The following KCNQ1 variants were observed in gnomAD, a reference collection of about 807,000 sequenced individuals.
The protein encoded by KCNQ1 is potassium voltage-gated channel subfamily Q member 1.
A neutral mutation model predicts 72.4 loss-of-function variants in KCNQ1; 49 were observed. The observed-to-expected ratio is 0.68, with a 90% CI of 0.54 to 0.86. KCNQ1 has a LOEUF of 0.86. KCNQ1 is among the 40% of genes least tolerant of loss of function. The pLI is 0.00. For missense variants in KCNQ1, 790 were observed against 945.1 expected, an observed-to-expected ratio of 0.84 and a Z score of 2.15; for synonymous variants, 450 against 412.6, an observed-to-expected ratio of 1.09 and a Z score of -1.10.
intron 10 of KCNQ1, chr11:2,638,507 C>T (rs1486760205): frequency 6.6e-6 from 1 of 152,210 alleles, no homozygotes; most frequent in African/African-American, 2.4e-5. Flanking sequence ...TTGGCCCCCA[C>T]TCTCTTCTGG....
intron 15 of KCNQ1, among the ~76,000 whole-genome samples, chr11:2,829,969 AAGGAAGGAGGAGGGAGG>A (rs1564908818): frequency 8.1e-4 from 93 of 115,478 alleles, no homozygotes; most frequent in African/African-American, 2.8e-3. Context: ...GGAGGATGAG[AAGGAAGGAGGAGGGAGG>A]AGGAAGGAAG....
intron 10 of KCNQ1, chr11:2,614,777 A>G (rs1249972252): frequency 2.5e-6 from 1 of 398,356 alleles, no homozygotes; most frequent in Non-Finnish European, 4.4e-6. Context: ...TCAGTACCAC[A>G]TTGTTTTGAT....
chr11:2,557,984 T>G (rs1564816173), intron 2 of KCNQ1, among the ~76,000 whole-genome samples: 1 of 152,228 alleles, frequency 6.6e-6, no homozygotes, highest in Non-Finnish European at 1.5e-5. Flanking sequence ...GGCCATGTTC[T>G]CTGATCAAAA....
In KCNQ1 at chr11:2,830,923, A is replaced by G. The variant is rs1847933596; in HGVS notation, c.1795-16844A>G. On this transcript the variant is annotated intron_variant, in intron 15 of 15. Transcript: ENST00000155840. The surrounding 1 kb of genome is among the most constrained non-coding windows in gnomAD (Gnocchi z 7.7). ...CTGACCAGGGAGTCTTTGAAACCGC[A>G]AGGGTACCCTTGGGAGACCCCGTGC... Among the ~76,000 whole-genome samples the G allele has an allele frequency of 6.6e-6, 1 of 152,118 alleles. No homozygotes were observed. The highest frequency in any genetic ancestry group is 1.5e-5 in the Non-Finnish European group (1 of 68,004).
Position 2,783,202 on chromosome 11 carries a change from T to C in KCNQ1, c.1794+5165T>C, listed in dbSNP as rs938979209. Among the ~76,000 whole-genome samples, 1 of 152,186 alleles carries C rather than the reference T, an allele frequency of 6.6e-6. No homozygotes were observed. The highest frequency in any genetic ancestry group is 2.4e-5 in the African/African-American group (1 of 41,472). On this transcript the variant is annotated intron_variant, in intron 15 of 15. Coordinates refer to ENST00000155840, the MANE Select transcript of KCNQ1 (RefSeq NM_000218.3). This position sits in a 1 kb window ranked among gnomAD's most constrained non-coding sequence, Gnocchi z 5.2. ...CATTCACTTTAGTATTTTTCTAATCTCCATTATGATCTCTTGTTTATCCTA... is the reference window on the plus strand; with the variant it reads ...CATTCACTTTAGTATTTTTCTAATCCCCATTATGATCTCTTGTTTATCCTA...
At chr11:2,742,104 A>G (rs1228950324) in intron 11 of KCNQ1, among the ~76,000 whole-genome samples, 2 of 152,266 alleles carry the variant, frequency 1.3e-5, no homozygotes, top group Non-Finnish European at 2.9e-5. Flanking sequence ...AGGTAGAAGG[A>G]AGAAAAATAA....
chr11:2,710,440 T>G lies in KCNQ1; in HGVS notation c.1514+48359T>G, dbSNP rs1358202845. 6.6e-6 allele frequency among the ~76,000 whole-genome samples: 1 copy of G among 152,236 alleles called. No individual in the cohort carries two copies. Among genetic ancestry groups the G allele is most frequent in the Non-Finnish European group, 1.5e-5 (1 of 68,046 alleles). ...CTTTTTGTGGGTTGTCTTTTCACTT[T>G]CTTGATCATGTCCTTTGACTCACAA... On this transcript the variant is annotated intron_variant, in intron 11 of 15. Transcript: ENST00000155840. The surrounding 1 kb of genome is among the most constrained non-coding windows in gnomAD (Gnocchi z 4.1).
intron 11 of KCNQ1, among the ~76,000 whole-genome samples, chr11:2,757,829 G>A (rs780427424): frequency 3.3e-5 from 5 of 152,106 alleles, no homozygotes; most frequent in African/African-American, 4.8e-5. Flanking sequence ...TTCAACACAC[G>A]GTACAGGAGC....
chr11:2,512,534 G>T (rs1260528834), intron 1 of KCNQ1, among the ~76,000 whole-genome samples: 2 of 152,218 alleles, frequency 1.3e-5, no homozygotes, highest in Admixed American at 6.5e-5. Flanking sequence ...GGCCATGACC[G>T]CATGGGGCCA....
rs1850307275 is a variant in KCNQ1, at chr11:2,677,117, T to C, written c.1514+15036T>C. 3 of 398,546 alleles carry C rather than the reference T, an allele frequency of 7.5e-6. No homozygotes were observed. Among genetic ancestry groups the C allele is most frequent in the African/African-American group, 2.1e-5 (1 of 48,652 alleles). The allele number at this position is 398,546 out of a possible 1,614,324, so 24.7% of individuals were successfully genotyped here. Reference sequence around the variant, plus strand: ...GAAATGACCACTTATGAAATTAGTTTCCCTGAAACATCCCTCCCTATTGAA... The same window carrying C: ...GAAATGACCACTTATGAAATTAGTTCCCCTGAAACATCCCTCCCTATTGAA... On this transcript the variant is annotated intron_variant, in intron 11 of 15. Transcript: ENST00000155840. This position sits in a 1 kb window ranked among gnomAD's most constrained non-coding sequence, Gnocchi z 4.5.
chr11:2,629,419 C>G, intron 10 of KCNQ1: 1 of 398,366 alleles, frequency 2.5e-6, no homozygotes. Context: ...CAATGTCATG[C>G]AGTTTTTGCC....
chr11:2,488,106 A>T lies in KCNQ1; in HGVS notation c.387-39822A>T, dbSNP rs1188467560. On this transcript the variant is annotated intron_variant, in intron 1 of 15. Transcript: ENST00000155840. This position sits in a 1 kb window ranked among gnomAD's most constrained non-coding sequence, Gnocchi z 5.1. ...ATTTTGTCAAATGCTTTTTGTATCA[A>T]TTGAGATCATGTGATCATGTGAGTG... 1.3e-5 allele frequency among the ~76,000 whole-genome samples: 2 copies of T among 152,156 alleles called. No individual in the cohort carries two copies. Among genetic ancestry groups the T allele is most frequent in the South Asian group, 2.1e-4 (1 of 4,828 alleles).
At chr11:2,697,517 G>A (rs2133899621) in intron 11 of KCNQ1, 1 of 398,560 alleles carries the variant, frequency 2.5e-6, no homozygotes, top group Admixed American at 4.4e-5. Context: ...GTATCAAGTT[G>A]AAGAAGTTCC....
At chr11:2,561,208 AAAAAAAAG>A (rs60812868) in intron 2 of KCNQ1, among the ~76,000 whole-genome samples, 291 of 147,730 alleles carry the variant, frequency 2.0e-3, no homozygotes, top group African/African-American at 6.8e-3. Context: ...CTCAAAAAAA[AAAAAAAAG>A]AAAAAAAGAA....
chr11:2,672,179 T>A (rs1850195579), intron 11 of KCNQ1: 2 of 398,578 alleles, frequency 5.0e-6, no homozygotes, highest in African/African-American at 2.1e-5. Flanking sequence ...GTGTTTTCTT[T>A]AGGTTCATGT....
chr11:2,609,257 T>G (rs987911129), intron 10 of KCNQ1: 1 of 398,322 alleles, frequency 2.5e-6, no homozygotes, highest in Non-Finnish European at 4.4e-6. Context: ...ACGTTCCATT[T>G]CCCTTGTGAA....
At position 2,565,336 on chromosome 11, in the gene KCNQ1, CGTT is replaced by C. The variant is rs1484248236; in HGVS notation, c.478-5289_478-5287del. Among the ~76,000 whole-genome samples the C allele has an allele frequency of 6.6e-6, 1 of 152,112 alleles. No homozygotes were observed. The highest frequency in any genetic ancestry group is 2.4e-5 in the African/African-American group (1 of 41,420). On this transcript the variant is annotated intron_variant, in intron 2 of 15. Coordinates refer to ENST00000155840, the MANE Select transcript of KCNQ1 (RefSeq NM_000218.3). This position sits in a 1 kb window ranked among gnomAD's most constrained non-coding sequence, Gnocchi z 5.6. ...CCCTAATGGATGAGAGGTGGCATCT[CGTT>C]GTGGTCTTGATTTGCATTTCCCTGA...
At position 2,478,975 on chromosome 11, in the gene KCNQ1, G is replaced by A. The variant is rs1226931502; in HGVS notation, c.386+33491G>A. Among the ~76,000 whole-genome samples the A allele has an allele frequency of 6.6e-6, 1 of 152,228 alleles. No homozygotes were observed. Among genetic ancestry groups the A allele is most frequent in the Non-Finnish European group, 1.5e-5 (1 of 68,040 alleles). ...AAAACGAAGGGGCTAAAGGCCCCAT[G>A]CAAGTTCGAAATCCAGTGGGGCAGT... On this transcript the variant is annotated intron_variant, in intron 1 of 15. Transcript: ENST00000155840. The surrounding 1 kb of genome is among the most constrained non-coding windows in gnomAD (Gnocchi z 4.0).
chr11:2,683,416 T>C lies in KCNQ1; in HGVS notation c.1514+21335T>C, dbSNP rs1429945992. 1 of 398,518 alleles carries C rather than the reference T, an allele frequency of 2.5e-6. No homozygotes were observed. The highest frequency in any genetic ancestry group is 4.4e-5 in the Admixed American group (1 of 22,714). The allele number at this position is 398,518 out of a possible 1,614,324, so 24.7% of individuals were successfully genotyped here. A position where few individuals can be genotyped will look rare whatever the true frequency, so the allele number is the denominator to read the frequency against. ...GGTGGTTTGTCCAATGGCTAAGCTT[T>C]CCCCAGGAATGGGTAACTGGAAAAA... On this transcript the variant is annotated intron_variant, in intron 11 of 15. Coordinates refer to ENST00000155840, the MANE Select transcript of KCNQ1 (RefSeq NM_000218.3). The surrounding 1 kb of genome is among the most constrained non-coding windows in gnomAD (Gnocchi z 4.7).
Sources: gnomAD v4.1 joint callset for allele counts (sites outside exome capture counted in the v4.1 genomes callset) on GRCh38, gnomAD v4.1.1 for gene constraint, Gnocchi (gnomAD v3.1) non-coding constraint, MANE v1.5 for transcripts, NCBI Gene and HGNC (gene_info 2026-07-23, HGNC 2026-07-21) for gene names.